WDPCP: variants seen among roughly 807,000 people sequenced by gnomAD.
WDPCP encodes WD repeat containing planar cell polarity effector, also known as WD repeat-containing and planar cell polarity effector protein fritz homolog.
Under a neutral mutation model 93.1 loss-of-function variants are expected in WDPCP, and 71 were observed. That is an observed-to-expected ratio of 0.76 (90% CI 0.63 to 0.93). The LOEUF is 0.93. WDPCP is among the 40% of genes least tolerant of loss of function. The pLI is 0.00. For synonymous variants in WDPCP, 315 were observed against 315.0 expected (o/e 1.00, Z 0.00); for missense variants, 844 against 887.4 (o/e 0.95, Z 0.62).
At position 63,588,200 on chromosome 2, in the gene WDPCP, T is replaced by C. The variant is rs1213420216; in HGVS notation, c.72A>G (p.Arg24=). The stretch of plus-strand genomic sequence containing the variant: ...TTGCCCTCGGGCCAGGGCTCACCTG[T>C]CTCGGGAGTGGGGAAGAAGCGCGAC... ...AGSRASSPLP[R]QDRDSFCHQM... Residue 24 remains arginine (R), a synonymous_variant, in exon 1 of 18, where the codon AGA becomes AGG. Coordinates refer to ENST00000272321, the MANE Select transcript of WDPCP (RefSeq NM_015910.7). 2.6e-6 allele frequency: 4 copies of C among 1,567,262 alleles called. No individual in the cohort carries two copies. The highest frequency in any genetic ancestry group is 3.5e-6 in the Non-Finnish European group (4 of 1,153,834).
Position 63,158,614 on chromosome 2 carries a change from G to GTA in WDPCP, c.2079-5042_2079-5041dup, listed in dbSNP as rs1056101173. Reference sequence around the variant, plus strand: ...AATTTGAAGTTTTCAGGTATTCTTTGTATATATATATTTTTCAGCATTGCA... The same window carrying GTA: ...AATTTGAAGTTTTCAGGTATTCTTTGTATATATATATATTTTTCAGCATTGCA... On this transcript the variant is annotated intron_variant, in intron 15 of 17. Coordinates refer to ENST00000272321, the MANE Select transcript of WDPCP (RefSeq NM_015910.7). Among the ~76,000 whole-genome samples, 24 of 151,952 alleles carry GTA rather than the reference G, an allele frequency of 1.6e-4. No homozygotes were observed. The East Asian group carries it at 2.9e-3, about 18-fold the overall frequency.
At chr2:63,204,715 C>T (rs1005260511) in intron 14 of WDPCP, among the ~76,000 whole-genome samples, 2 of 151,932 alleles carry the variant, frequency 1.3e-5, no homozygotes, top group African/African-American at 4.8e-5. Flanking sequence ...TTTTTTCATA[C>T]AGAGTTGTTT....
At chr2:63,222,071 G>A (rs1265107712) in intron 14 of WDPCP, among the ~76,000 whole-genome samples, 1 of 152,146 alleles carries the variant, frequency 6.6e-6, no homozygotes, top group Non-Finnish European at 1.5e-5. Flanking sequence ...TCCAGTGGTA[G>A]TACTCTTGCA....
intron 15 of WDPCP, among the ~76,000 whole-genome samples, chr2:63,168,112 A>C (rs78424368): frequency 1.3e-5 from 2 of 150,722 alleles, no homozygotes; most frequent in Non-Finnish European, 3.0e-5. Context: ...CCTGCCAAAA[A>C]AAAAAAAAAA....
At chr2:63,204,986 T>G (rs972050122) in intron 14 of WDPCP, among the ~76,000 whole-genome samples, 14 of 152,202 alleles carry the variant, frequency 9.2e-5, no homozygotes, top group African/African-American at 3.4e-4. Flanking sequence ...GGTTGTAGAT[T>G]TAAGTCTTCA....
At chr2:63,600,770 T>C (rs1189743292) in intron 3 of WDPCP, among the ~76,000 whole-genome samples, 1 of 152,202 alleles carries the variant, frequency 6.6e-6, no homozygotes, top group Non-Finnish European at 1.5e-5. Context: ...TGGTGGTAGC[T>C]GAGAACGAAT....
At chr2:63,496,377 C>T (rs1315579275) in intron 1 of WDPCP, among the ~76,000 whole-genome samples, 4 of 152,112 alleles carry the variant, frequency 2.6e-5, no homozygotes, top group Middle Eastern at 3.2e-3. Context: ...ACTATTTCTA[C>T]GAGGCAGAAA....
At chr2:63,422,504 C>T (rs1695942405) in intron 9 of WDPCP, among the ~76,000 whole-genome samples, 2 of 152,108 alleles carry the variant, frequency 1.3e-5, no homozygotes, top group Non-Finnish European at 2.9e-5. Context: ...CCTGTTTACC[C>T]TATATAAGTA....
chr2:63,804,518 G>A (rs181335537), intron 2 of WDPCP, among the ~76,000 whole-genome samples: 1 of 150,966 alleles, frequency 6.6e-6, no homozygotes. Context: ...GCCTCCCAAA[G>A]TGCTGGGATT....
intron 17 of WDPCP, among the ~76,000 whole-genome samples, chr2:63,144,725 A>G (rs1671355601): frequency 6.6e-6 from 1 of 152,204 alleles, no homozygotes; most frequent in Non-Finnish European, 1.5e-5. Context: ...TCTTTAGCTT[A>G]ATAACTAACC....
chr2:63,814,351 GA>G (rs1049956433), intron 1 of WDPCP, among the ~76,000 whole-genome samples: 36 of 144,610 alleles, frequency 2.5e-4, no homozygotes, highest in Admixed American at 4.1e-4. Flanking sequence ...TTCCTGGTTT[GA>G]AAAAAAAAAA....
chr2:63,361,979 T>C, intron 12 of WDPCP, among the ~76,000 whole-genome samples: 1 of 152,148 alleles, frequency 6.6e-6, no homozygotes, highest in East Asian at 1.9e-4. Flanking sequence ...TGGAGGTACA[T>C]GTGATATTTT....
At chr2:63,500,452 G>GTGTGTGTGT (rs1553412910) in intron 1 of WDPCP, among the ~76,000 whole-genome samples, 865 of 22,268 alleles carry the variant, frequency 0.039, 11 homozygotes, top group African/African-American at 0.15. Context: ...AAATGGTGTG[G>GTGTGTGTGT]GGGTGTGTGT....
chr2:63,662,604 A>G (rs1338552024), intron 2 of WDPCP, among the ~76,000 whole-genome samples: 1 of 151,328 alleles, frequency 6.6e-6, no homozygotes, highest in Non-Finnish European at 1.5e-5. Context: ...TTGGAGCTTT[A>G]TATGGGCTGC....
intron 6 of WDPCP, among the ~76,000 whole-genome samples, chr2:63,459,804 C>T (rs1698882641): frequency 6.6e-6 from 1 of 152,128 alleles, no homozygotes; most frequent in South Asian, 2.1e-4. Context: ...GTAGTCCCAG[C>T]TACTCAGGAG....
intron 17 of WDPCP, among the ~76,000 whole-genome samples, chr2:63,139,763 G>C (rs1451968079): frequency 6.6e-6 from 1 of 152,188 alleles, no homozygotes; most frequent in African/African-American, 2.4e-5. Flanking sequence ...TCTGTGGGTT[G>C]TCTGTTTATT....
intron 15 of WDPCP, among the ~76,000 whole-genome samples, chr2:63,167,645 G>A (rs1334162221): frequency 2.6e-5 from 4 of 152,126 alleles, no homozygotes; most frequent in African/African-American, 9.7e-5. Context: ...GAAATTTAAT[G>A]ATATATTTTA....
chr2:63,223,858 G>A (rs1678052801), intron 14 of WDPCP, among the ~76,000 whole-genome samples: 1 of 151,978 alleles, frequency 6.6e-6, no homozygotes, highest in Non-Finnish European at 1.5e-5. Flanking sequence ...TACTATATAT[G>A]GGGTGTGTTT....
At chr2:63,743,244 C>A (rs1669750927) in intron 2 of WDPCP, among the ~76,000 whole-genome samples, 1 of 152,040 alleles carries the variant, frequency 6.6e-6, no homozygotes, top group African/African-American at 2.4e-5. Flanking sequence ...GTGGTATGTG[C>A]AGCCTGCTAC....
Sources: gnomAD v4.1 joint callset for allele counts (sites outside exome capture counted in the v4.1 genomes callset) on GRCh38, gnomAD v4.1.1 for gene constraint, MANE v1.5 for transcripts, NCBI Gene and HGNC (gene_info 2026-07-23, HGNC 2026-07-21) for gene names.